Variants in MMD2 observed in about 807,000 individuals in gnomAD.
MMD2 encodes monocyte to macrophage differentiation factor 2.
MMD2 carries 30 observed loss-of-function variants against 33.5 expected under a neutral mutation model. The ratio of observed to expected loss-of-function variants is 0.90; its 90% CI spans 0.67 to 1.22. The LOEUF (loss-of-function observed/expected upper bound fraction) is 1.22, where lower values mean the gene tolerates loss of function less well. MMD2 is among the 50% of genes most tolerant of loss of function. The pLI, the probability that MMD2 is intolerant of heterozygous loss-of-function variation, is 0.00. For synonymous variants in MMD2, 129 were observed against 123.0 expected (o/e 1.05, Z -0.32); for missense variants, 364 against 325.4 (o/e 1.12, Z -0.91).
downstream of MMD2, among the ~76,000 whole-genome samples, chr7:4,903,431 C>T (rs923036560): frequency 1.3e-5 from 2 of 151,872 alleles, no homozygotes; most frequent in Non-Finnish European, 2.9e-5. Context: ...GATTCTCCCT[C>T]GCGGAGCCTG....
At chr7:4,954,707 C>T (rs1442789926) in intron 1 of MMD2, among the ~76,000 whole-genome samples, 1 of 152,210 alleles carries the variant, frequency 6.6e-6, no homozygotes, top group Non-Finnish European at 1.5e-5. Context: ...GCATAAGCCA[C>T]CTTGCCCGGC....
chr7:4,944,975 T>C (rs1583396021), intron 1 of MMD2, among the ~76,000 whole-genome samples: 1 of 151,228 alleles, frequency 6.6e-6, no homozygotes, highest in Admixed American at 6.6e-5. Flanking sequence ...TTCACCATGT[T>C]AGCCAGGATG....
the MMD2 span, among the ~76,000 whole-genome samples, chr7:4,899,076 CAA>C: frequency 6.6e-6 from 1 of 152,072 alleles, no homozygotes; most frequent in South Asian, 2.1e-4. Context: ...TACCCTTACA[CAA>C]GAGGCCTGAG....
At chr7:4,927,924 A>T (rs1356793654) in intron 1 of MMD2, among the ~76,000 whole-genome samples, 1 of 152,144 alleles carries the variant, frequency 6.6e-6, no homozygotes, top group African/African-American at 2.4e-5. Context: ...GTTGACTCCG[A>T]CGTCTGGTTC....
At chr7:4,925,415 C>G in intron 2 of MMD2, 36 bp downstream of exon 2, 1 of 1,473,892 alleles carries the variant, frequency 6.8e-7, no homozygotes, top group Non-Finnish European at 9.1e-7. Flanking sequence ...GGAAGTGTCC[C>G]CATCTCAGCC....
chr7:4,902,056 T>A (rs1179637339), downstream of MMD2, among the ~76,000 whole-genome samples: 1 of 152,206 alleles, frequency 6.6e-6, no homozygotes, highest in Non-Finnish European at 1.5e-5. Context: ...GGTTCAAGCA[T>A]TCTCCTGCCT....
At chr7:4,931,285 A>C (rs983355744) in intron 1 of MMD2, among the ~76,000 whole-genome samples, 1 of 151,694 alleles carries the variant, frequency 6.6e-6, no homozygotes, top group Non-Finnish European at 1.5e-5. Flanking sequence ...AGCTGGGACT[A>C]CAGGTGCACA....
At chr7:4,896,891 G>A in the MMD2 span, among the ~76,000 whole-genome samples, 4 of 150,578 alleles carry the variant, frequency 2.7e-5, no homozygotes, top group East Asian at 2.0e-4. Context: ...ACAGAGTCTC[G>A]CTCTGTAGCC....
chr7:4,902,551 G>A (rs1784808767), downstream of MMD2, among the ~76,000 whole-genome samples: 1 of 152,180 alleles, frequency 6.6e-6, no homozygotes, highest in African/African-American at 2.4e-5. Context: ...AAGGGAGACT[G>A]GCACCCCGGA....
chr7:4,949,639 G>A (rs890353607), intron 1 of MMD2, among the ~76,000 whole-genome samples: 6 of 151,754 alleles, frequency 4.0e-5, no homozygotes, highest in Admixed American at 3.9e-4. Context: ...AGCCTCCCGA[G>A]TAGCTGGGAC....
intron 4 of MMD2, among the ~76,000 whole-genome samples, chr7:4,914,268 A>G (rs1294120019): frequency 6.6e-6 from 1 of 152,180 alleles, no homozygotes; most frequent in Non-Finnish European, 1.5e-5. Context: ...TCTGAAGTTT[A>G]TCTCTGGGAA....
downstream of MMD2, among the ~76,000 whole-genome samples, chr7:4,900,994 G>T (rs1583347973): frequency 6.6e-6 from 1 of 150,978 alleles, no homozygotes; most frequent in South Asian, 2.1e-4. Context: ...ATAAAAATTA[G>T]CCGGGTATGG....
intron 1 of MMD2, among the ~76,000 whole-genome samples, chr7:4,934,000 A>G (rs1434654008): frequency 1.5e-5 from 2 of 134,274 alleles, no homozygotes; most frequent in African/African-American, 5.7e-5. Flanking sequence ...TGCAATCTCA[A>G]CTCACTGTAA....
chr7:4,915,411 T>C (rs1583361657), intron 4 of MMD2, among the ~76,000 whole-genome samples: 1 of 152,042 alleles, frequency 6.6e-6, no homozygotes, highest in African/African-American at 2.4e-5. Context: ...TGTGTATATA[T>C]GTAGACACAT....
intron 1 of MMD2, among the ~76,000 whole-genome samples, chr7:4,925,981 T>C (rs929994330): frequency 6.6e-6 from 1 of 152,024 alleles, no homozygotes; most frequent in Admixed American, 6.6e-5. Context: ...AATTCTTGTA[T>C]TTTTAGTAGA....
At chr7:4,910,153 TTCCC>T (rs1048900546) in intron 5 of MMD2, 273 of 1,164,316 alleles carry the variant, frequency 2.3e-4, no homozygotes, top group Non-Finnish European at 3.2e-4. Context: ...CCTGGGCACT[TTCCC>T]TCCCTGAGAC....
the MMD2 span, among the ~76,000 whole-genome samples, chr7:4,895,541 T>C: frequency 6.6e-6 from 1 of 151,232 alleles, no homozygotes; most frequent in Non-Finnish European, 1.5e-5. Context: ...TCTTTTTTTT[T>C]CTTTTCTTTT....
intron 1 of MMD2, among the ~76,000 whole-genome samples, chr7:4,957,514 T>G (rs1786419058): frequency 6.6e-6 from 1 of 151,874 alleles, no homozygotes; most frequent in South Asian, 2.1e-4. Context: ...CCGGGCATGG[T>G]GGCAGGTGCC....
At chr7:4,954,145 A>G (rs1201298952) in intron 1 of MMD2, among the ~76,000 whole-genome samples, 1 of 152,142 alleles carries the variant, frequency 6.6e-6, no homozygotes, top group East Asian at 1.9e-4. Context: ...TAGGCTTCTT[A>G]TGCACTGGAT....
Sources: gnomAD v4.1 joint callset for allele counts (sites outside exome capture counted in the v4.1 genomes callset) on GRCh38, gnomAD v4.1.1 for gene constraint, MANE v1.5 for transcripts, NCBI Gene and HGNC (gene_info 2026-07-23, HGNC 2026-07-21) for gene names.